PPA2: variants seen among roughly 807,000 people sequenced by gnomAD.
PPA2 encodes the protein inorganic pyrophosphatase 2, mitochondrial.
In PPA2, 48 loss-of-function variants were observed where a neutral mutation model predicts 49.5. The observed-to-expected ratio is 0.97, with a 90% CI of 0.77 to 1.23. The LOEUF is 1.23. Among genes scored for constraint, PPA2 ranks in the 50% most tolerant of loss-of-function variants. The pLI is 0.00. For missense variants in PPA2, 429 were observed against 410.1 expected (o/e 1.05, Z -0.40); for synonymous variants, 131 against 139.9 (o/e 0.94, Z 0.45).
At chr4:105,414,214 A>G (rs148082289) in intron 7 of PPA2, among the ~76,000 whole-genome samples, 50 of 152,366 alleles carry the variant, frequency 3.3e-4, no homozygotes, top group African/African-American at 1.0e-3. Context: ...ACTCTCATAC[A>G]CTGATGATAC....
At chr4:105,400,839 G>A (rs1339973756) in intron 7 of PPA2, among the ~76,000 whole-genome samples, 1 of 151,858 alleles carries the variant, frequency 6.6e-6, no homozygotes, top group African/African-American at 2.4e-5. Context: ...TCATAAAGAG[G>A]ACCCAATAAG....
chr4:105,434,809 C>T (rs1222526902), intron 6 of PPA2, among the ~76,000 whole-genome samples: 4 of 152,132 alleles, frequency 2.6e-5, no homozygotes, highest in Admixed American at 2.6e-4. Context: ...TCACATGCAA[C>T]AGAAAGGCAC....
At chr4:105,429,551 C>T (rs1050103832) in intron 6 of PPA2, among the ~76,000 whole-genome samples, 13 of 152,114 alleles carry the variant, frequency 8.5e-5, no homozygotes, top group Non-Finnish European at 1.8e-4. Flanking sequence ...TAAAAGCAAT[C>T]CATATATTTA....
At chr4:105,426,965 A>G (rs1221748239) in intron 6 of PPA2, among the ~76,000 whole-genome samples, 1 of 152,166 alleles carries the variant, frequency 6.6e-6, no homozygotes, top group Non-Finnish European at 1.5e-5. Context: ...GCCGACAGAC[A>G]CCTCATATAG....
intron 6 of PPA2, among the ~76,000 whole-genome samples, chr4:105,430,312 AACTG>A (rs1468316596): frequency 6.6e-6 from 1 of 152,222 alleles, no homozygotes; most frequent in Admixed American, 6.5e-5. Context: ...TAGTTAACAC[AACTG>A]ACTAAAGTGA....
intron 7 of PPA2, among the ~76,000 whole-genome samples, chr4:105,406,195 GAAAAAAAC>G (rs1212135239): frequency 5.5e-5 from 8 of 145,114 alleles, no homozygotes; most frequent in East Asian, 2.4e-4. Context: ...GATATGGCAG[GAAAAAAAC>G]AAAAAAACAA....
chr4:105,380,448 TTC>T (rs1733442837), intron 10 of PPA2, among the ~76,000 whole-genome samples: 1 of 152,176 alleles, frequency 6.6e-6, no homozygotes, highest in South Asian at 2.1e-4. Context: ...AGCTTTTGGC[TTC>T]ATTAATTTTT....
intron 7 of PPA2, chr4:105,399,454 T>C: frequency 4.7e-6 from 1 of 210,962 alleles, no homozygotes; most frequent in Non-Finnish European, 9.3e-6. Context: ...GTTCTTTTCA[T>C]CAAGATACTC....
At chr4:105,414,298 T>TG (rs2110255717) in intron 7 of PPA2, among the ~76,000 whole-genome samples, 1 of 152,360 alleles carries the variant, frequency 6.6e-6, no homozygotes, top group East Asian at 1.9e-4. Context: ...TCAGTAATAG[T>TG]GCCACAGGAT....
chr4:105,454,838 A>C (rs1442077247), intron 2 of PPA2, among the ~76,000 whole-genome samples: 1 of 151,962 alleles, frequency 6.6e-6, no homozygotes, highest in Non-Finnish European at 1.5e-5. Flanking sequence ...CCCAAAACCC[A>C]TCCTCCTTAG....
chr4:105,405,061 C>T lies in PPA2; in HGVS notation c.656-5897G>A, dbSNP rs568619804. On this transcript the variant is annotated intron_variant, in intron 7 of 11. Coordinates refer to ENST00000341695, the MANE Select transcript of PPA2 (RefSeq NM_176869.3). Reference sequence around the variant, plus strand: ...TCCTGCCACTGCACTCCAGCCTGGGCGACAGAGTGAGACTCCGCCTCAAAA... The same window carrying T: ...TCCTGCCACTGCACTCCAGCCTGGGTGACAGAGTGAGACTCCGCCTCAAAA... 774 of 345,980 alleles carry T rather than the reference C, an allele frequency of 2.2e-3. 1 individual carries two copies. The highest frequency in any genetic ancestry group is 4.5e-3 in the East Asian group (27 of 6,002). 21.4% of individuals were successfully genotyped at this position (345,980 alleles called of 1,614,324 possible). A position where few individuals can be genotyped will look rare whatever the true frequency, so the allele number is the denominator to read the frequency against.
At chr4:105,457,078 T>A (rs1338148805) in intron 1 of PPA2, among the ~76,000 whole-genome samples, 1 of 152,080 alleles carries the variant, frequency 6.6e-6, no homozygotes, top group Non-Finnish European at 1.5e-5. Flanking sequence ...AAGAAACTCA[T>A]TACTAAGTGA....
chr4:105,467,115 T>C (rs965956079), intron 1 of PPA2, among the ~76,000 whole-genome samples: 1 of 152,204 alleles, frequency 6.6e-6, no homozygotes, highest in Non-Finnish European at 1.5e-5. Flanking sequence ...TCACCTGATG[T>C]TTGCCTGTCA....
chr4:105,392,858 T>C (rs781667422), intron 9 of PPA2, among the ~76,000 whole-genome samples: 5 of 152,092 alleles, frequency 3.3e-5, no homozygotes, highest in Non-Finnish European at 7.4e-5. Flanking sequence ...ACCAAGTATT[T>C]AGTAACTGAC....
chr4:105,381,055 G>C (rs1339029815), intron 10 of PPA2, among the ~76,000 whole-genome samples: 1 of 152,014 alleles, frequency 6.6e-6, no homozygotes, highest in Non-Finnish European at 1.5e-5. Context: ...AAAAACTCTT[G>C]GTATTAACAG....
chr4:105,394,387 A>AG (rs1553924717), intron 9 of PPA2, among the ~76,000 whole-genome samples: 3 of 123,626 alleles, frequency 2.4e-5, no homozygotes, highest in African/African-American at 5.0e-5. Flanking sequence ...AAAAAAAAAA[A>AG]AAAGAAAGAA....
intron 10 of PPA2, among the ~76,000 whole-genome samples, chr4:105,374,530 G>C (rs1410146080): frequency 6.6e-6 from 1 of 151,892 alleles, no homozygotes; most frequent in African/African-American, 2.4e-5. Flanking sequence ...TTTCTTTTCT[G>C]TTTATATATA....
intron 4 of PPA2, chr4:105,448,150 G>A (rs939559407): frequency 8.3e-6 from 3 of 360,466 alleles, no homozygotes; most frequent in African/African-American, 6.5e-5. Context: ...CACTGCTTAA[G>A]TTAGGTAGAT....
At position 105,456,748 on chromosome 4, in the gene PPA2, G is replaced by A; in HGVS notation, c.158-3C>T. Reference sequence around the variant, plus strand: ...AATGTAGTGACCAGTTACATTCTCTGCAAAGACACAAACAAACAAAACAAA... The same window carrying A: ...AATGTAGTGACCAGTTACATTCTCTACAAAGACACAAACAAACAAAACAAA... On this transcript the variant is annotated splice_region_variant and splice_polypyrimidine_tract_variant and intron_variant, in intron 1 of 11. Transcript: ENST00000341695. 6.3e-7 allele frequency: 1 copy of A among 1,598,172 alleles called. No individual in the cohort carries two copies. The highest frequency in any genetic ancestry group is 8.5e-7 in the Non-Finnish European group (1 of 1,170,138).
Sources: allele counts gnomAD v4.1 joint callset (sites outside exome capture counted in the v4.1 genomes callset), GRCh38; gene constraint gnomAD v4.1.1; transcripts MANE v1.5; gene names NCBI Gene and HGNC (gene_info 2026-07-23, HGNC 2026-07-21).